The following LRPPRC variants were observed in gnomAD, a reference collection of about 807,000 sequenced individuals.
LRPPRC encodes the protein leucine rich pentatricopeptide repeat containing.
LRPPRC carries 120 observed loss-of-function variants against 180.3 expected under a neutral mutation model. The ratio of observed to expected loss-of-function variants is 0.67; its 90% CI spans 0.57 to 0.77. The LOEUF (loss-of-function observed/expected upper bound fraction) is 0.77. LRPPRC is among the 30% of genes least tolerant of loss of function. The probability of loss-of-function intolerance (pLI) is 0.00; values close to 1 mark genes in which losing one functional copy is unlikely to be tolerated. For synonymous variants in LRPPRC, 723 were observed against 600.0 expected (o/e 1.21, Z -3.00); for missense variants, 2,012 against 1,657.2 (o/e 1.21, Z -3.72).
chr2:43,958,987 ATTGTC>A (rs1357494488), intron 13 of LRPPRC: 14 of 480,860 alleles, frequency 2.9e-5, no homozygotes, highest in Admixed American at 1.8e-4. Flanking sequence ...TCTACAGAAT[ATTGTC>A]AAGTTTTTAT....
At position 43,926,068 on chromosome 2, in the gene LRPPRC, A is replaced by G. The variant is rs1459555719; in HGVS notation, c.2737-107T>C. 4 of 702,316 alleles carry G rather than the reference A, an allele frequency of 5.7e-6. No individual in the cohort carries two copies. In the East Asian group the frequency reaches 1.1e-4, roughly 19 times the overall value. 43.5% of individuals were successfully genotyped at this position (702,316 alleles called of 1,614,324 possible). Reference sequence around the variant, plus strand: ...CTTATGAATTTGCTGCCAAATATATATACTAAACTTATATACTAAACTATA... The same window carrying G: ...CTTATGAATTTGCTGCCAAATATATGTACTAAACTTATATACTAAACTATA... On this transcript the variant is annotated intron_variant, in intron 25 of 37. Transcript: ENST00000260665.
At position 43,979,914 on chromosome 2, in the gene LRPPRC, T is replaced by C. The variant is rs930518067; in HGVS notation, c.381A>G (p.Leu127=). 4 of 1,613,852 alleles carry C rather than the reference T, an allele frequency of 2.5e-6. No individual in the cohort carries two copies. Among genetic ancestry groups the C allele is most frequent in the Non-Finnish European group, 3.4e-6 (4 of 1,179,794 alleles). Residue 127 remains leucine, a synonymous_variant, in exon 3 of 38, where the codon CTA becomes CTG. Transcript: ENST00000260665. ...GLGGSHALLL[L]RSCGSLLPEL... is the part of the protein sequence containing the mutation. ...CAGGCAAGAGAGAACCACAACTACG[T>C]AGTAGAAGCAAGGCATGACTACCAC...
At chr2:43,986,708 G>C (rs1572583393) in intron 1 of LRPPRC, among the ~76,000 whole-genome samples, 1 of 97,768 alleles carries the variant, frequency 1.0e-5, no homozygotes, top group Admixed American at 9.5e-5. Flanking sequence ...GTCTCATTCT[G>C]AGACGGTCTC....
chr2:43,990,678 A>G (rs1047740561), intron 1 of LRPPRC, among the ~76,000 whole-genome samples: 1 of 152,158 alleles, frequency 6.6e-6, no homozygotes, highest in Non-Finnish European at 1.5e-5. Flanking sequence ...AACAAATGGC[A>G]CTGCTCCTCT....
chr2:43,898,437 C>G (rs1670766030), intron 34 of LRPPRC, among the ~76,000 whole-genome samples: 1 of 152,202 alleles, frequency 6.6e-6, no homozygotes, highest in Admixed American at 6.5e-5. Context: ...AGGGAGTCTA[C>G]ACAAACACAG....
At chr2:43,965,174 G>GT (rs1673502261) in intron 11 of LRPPRC, among the ~76,000 whole-genome samples, 1 of 152,138 alleles carries the variant, frequency 6.6e-6, no homozygotes, top group African/African-American at 2.4e-5. Flanking sequence ...GCTAGTTTTT[G>GT]TATTTTTAGT....
chr2:43,995,335 T>C (rs1296616616), intron 1 of LRPPRC, among the ~76,000 whole-genome samples: 1 of 152,006 alleles, frequency 6.6e-6, no homozygotes, highest in Admixed American at 6.5e-5. Flanking sequence ...TCACCCAAAC[T>C]CCCAACCCAC....
intron 1 of LRPPRC, among the ~76,000 whole-genome samples, chr2:43,991,473 G>C (rs1674779244): frequency 1.3e-5 from 2 of 152,288 alleles, no homozygotes; most frequent in Admixed American, 6.5e-5. Flanking sequence ...CCAATCATTA[G>C]TCTAGATCTA....
chr2:43,933,957 G>A (rs532997240), intron 25 of LRPPRC, among the ~76,000 whole-genome samples: 95 of 152,074 alleles, frequency 6.2e-4, no homozygotes, highest in Admixed American at 2.0e-3. Flanking sequence ...ATATATAATA[G>A]TGAATTTAAC....
chr2:43,944,735 A>G (rs1458694454), intron 22 of LRPPRC, among the ~76,000 whole-genome samples: 1 of 152,082 alleles, frequency 6.6e-6, no homozygotes, highest in Non-Finnish European at 1.5e-5. Context: ...AATAGTATGA[A>G]TGTATTATCA....
At chr2:43,986,818 CAGTG>C (rs1674546252) in intron 1 of LRPPRC, among the ~76,000 whole-genome samples, 1 of 152,204 alleles carries the variant, frequency 6.6e-6, no homozygotes, top group Admixed American at 6.5e-5. Context: ...TAAACCTAGA[CAGTG>C]AGAGTGAGAC....
At chr2:43,931,756 TAGAG>T (rs1238251727) in intron 25 of LRPPRC, among the ~76,000 whole-genome samples, 2 of 152,170 alleles carry the variant, frequency 1.3e-5, no homozygotes, top group African/African-American at 4.8e-5. Flanking sequence ...TTAGATCTGA[TAGAG>T]AATCTCCTGT....
chr2:43,981,190 A>G (rs937583286), intron 2 of LRPPRC, among the ~76,000 whole-genome samples: 1 of 151,222 alleles, frequency 6.6e-6, no homozygotes. Flanking sequence ...GATTTTTAGT[A>G]GCTAATTGAA....
chr2:43,987,521 TC>T (rs1208981888), intron 1 of LRPPRC, among the ~76,000 whole-genome samples: 4 of 150,516 alleles, frequency 2.7e-5, no homozygotes, highest in African/African-American at 9.8e-5. Flanking sequence ...AGGTTGGTAT[TC>T]CCTTCAAATT....
chr2:43,985,174 T>C (rs1411131995), intron 1 of LRPPRC, among the ~76,000 whole-genome samples: 1 of 152,146 alleles, frequency 6.6e-6, no homozygotes, highest in African/African-American at 2.4e-5. Flanking sequence ...AATTTTTTGA[T>C]AAGCAGAGAC....
intron 31 of LRPPRC, chr2:43,902,605 ACT>A (rs1177522067): frequency 6.6e-6 from 1 of 152,172 alleles, no homozygotes. Flanking sequence ...ATCTTAAACC[ACT>A]CATTCTCAAA....
At position 43,995,879 on chromosome 2, in the gene LRPPRC, G is replaced by C. The variant is rs1340232756; in HGVS notation, c.69C>G (p.Ser23=). The change falls in exon 1 of 38, where the codon TCC becomes TCG. Residue 23 remains serine (S), a synonymous_variant. Transcript: ENST00000260665. Reference sequence around the variant, plus strand: ...CCGGGCCGCCAGGGAGGAGGCGCAGGGAGAGCGGGAGGCGCGGGGCCGCCC... The same window carrying C: ...CCGGGCCGCCAGGGAGGAGGCGCAGCGAGAGCGGGAGGCGCGGGGCCGCCC... ...RAGAAPRLPL[S]LRLLPGGPGR... is the part of the protein sequence containing the mutation. The C allele has an allele frequency of 1.3e-6, 2 of 1,506,138 alleles. No homozygotes were observed. The highest frequency in any genetic ancestry group is 1.2e-5 in the South Asian group (1 of 81,130). 93.3% of individuals were successfully genotyped at this position (1,506,138 alleles called of 1,614,324 possible).
chr2:43,916,077 T>A (rs4953034), intron 29 of LRPPRC, among the ~76,000 whole-genome samples: 81,683 of 152,102 alleles, frequency 0.54, 24,101 homozygotes, highest in East Asian at 0.95. Flanking sequence ...ACCTTCTAGT[T>A]AAGTTAGGAA....
chr2:43,939,386 A>G (rs750238388), intron 23 of LRPPRC, among the ~76,000 whole-genome samples: 4 of 152,206 alleles, frequency 2.6e-5, no homozygotes, highest in Admixed American at 6.5e-5. Flanking sequence ...AAACTTATAC[A>G]TTGTTAGTGA....
Sources: gnomAD v4.1 joint callset for allele counts (sites outside exome capture counted in the v4.1 genomes callset) on GRCh38, gnomAD v4.1.1 for gene constraint, MANE v1.5 for transcripts, NCBI Gene and HGNC (gene_info 2026-07-23, HGNC 2026-07-21) for gene names.